Variants in NLK observed in about 807,000 individuals in gnomAD.
The protein encoded by NLK is serine/threonine-protein kinase NLK.
NLK carries 11 observed loss-of-function variants against 59.0 expected under a neutral mutation model. That is an observed-to-expected ratio of 0.19 (90% CI 0.12 to 0.31). NLK has a LOEUF of 0.31. NLK is among the 10% of genes least tolerant of loss of function. NLK has a pLI of 1.00. For missense variants in NLK, 410 were observed against 661.1 expected (o/e 0.62, Z 4.16); for synonymous variants, 235 against 235.9 (o/e 1.00, Z 0.03).
chr17:28,054,365 C>A (rs994328377), intron 1 of NLK, among the ~76,000 whole-genome samples: 2 of 152,220 alleles, frequency 1.3e-5, no homozygotes, highest in Non-Finnish European at 2.9e-5. Flanking sequence ...CTTTTAAAAA[C>A]ACAAGCTAAT....
chr17:28,043,143 A>G lies in NLK; in HGVS notation c.270A>G (p.Gln90=), dbSNP rs753051288. The G allele has an allele frequency of 1.2e-6, 2 of 1,612,444 alleles. No individual in the cohort carries two copies. Among genetic ancestry groups the G allele is most frequent in the South Asian group, 1.1e-5 (1 of 90,998 alleles). Residue 90 remains glutamine, a synonymous_variant, in exon 1 of 11, where the codon CAA becomes CAG. Transcript: ENST00000407008. Reference sequence around the variant, plus strand: ...CAGCCATGTTAAACCCTGGGCAACAACAGCCATATTTCCCATCACCGGCAC... The same window carrying G: ...CAGCCATGTTAAACCCTGGGCAACAGCAGCCATATTTCCCATCACCGGCAC... ...AAAAMLNPGQ[Q]QPYFPSPAPG...
chr17:28,185,688 A>G (rs1364985170), intron 8 of NLK, among the ~76,000 whole-genome samples: 1 of 152,124 alleles, frequency 6.6e-6, no homozygotes, highest in Non-Finnish European at 1.5e-5. Context: ...ATCTGGGACT[A>G]CAAGCATGCT....
At chr17:28,048,083 A>G (rs914903578) in intron 1 of NLK, 10 of 396,866 alleles carry the variant, frequency 2.5e-5, no homozygotes, top group African/African-American at 8.2e-5. Context: ...CATCCGTATG[A>G]AACTAGAAAT....
rs113409955 is a variant in NLK at position 28,114,475 on chromosome 17, A to G, written c.459-8128A>G. On this transcript the variant is annotated intron_variant, in intron 1 of 10. Coordinates refer to ENST00000407008, the MANE Select transcript of NLK (RefSeq NM_016231.5). ...TCTGGATAAGAGCCCTTTGTTCCTT[A>G]TAAGTGTTGCAAGCATCTTCTCCTA... Among the ~76,000 whole-genome samples, 996 of 152,266 alleles carry G rather than the reference A, an allele frequency of 6.5e-3. 16 individuals are homozygous for G. Among genetic ancestry groups the G allele is most frequent in the African/African-American group, 0.022 (930 of 41,534 alleles).
chr17:28,071,734 G>A (rs187613607), intron 1 of NLK, among the ~76,000 whole-genome samples: 7 of 152,148 alleles, frequency 4.6e-5, no homozygotes, highest in Non-Finnish European at 7.3e-5. Context: ...TGTATCCTAC[G>A]TGAAGGCTTC....
At chr17:28,151,060 A>C (rs1907460687) in intron 3 of NLK, among the ~76,000 whole-genome samples, 1 of 152,184 alleles carries the variant, frequency 6.6e-6, no homozygotes, top group Admixed American at 6.5e-5. Context: ...CCCTCATTAA[A>C]TTTCTCAGAA....
chr17:28,158,050 A>T (rs1171642998), intron 3 of NLK, among the ~76,000 whole-genome samples: 1 of 152,198 alleles, frequency 6.6e-6, no homozygotes, highest in Non-Finnish European at 1.5e-5. Flanking sequence ...TTACAGGATA[A>T]TAACTACTAA....
In NLK at chr17:28,042,691, C is replaced by T. The variant is rs2142725267; in HGVS notation, c.-183C>T. The T allele has an allele frequency of 2.1e-6, 1 of 474,246 alleles. No individual in the cohort carries two copies. Among genetic ancestry groups the T allele is most frequent in the Non-Finnish European group, 3.6e-6 (1 of 278,070 alleles). 29.4% of individuals were successfully genotyped at this position (474,246 alleles called of 1,614,324 possible). A position where few individuals can be genotyped will look rare whatever the true frequency, so the allele number is the denominator to read the frequency against. Reference sequence around the variant, plus strand: ...CCTTTTTTTTCCTTTTGGCAACCCACACCCTTCCACACACGCTCACCCCAA... The same window carrying T: ...CCTTTTTTTTCCTTTTGGCAACCCATACCCTTCCACACACGCTCACCCCAA... On this transcript the variant is annotated 5_prime_UTR_variant, in exon 1 of 11. Coordinates refer to ENST00000407008, the MANE Select transcript of NLK (RefSeq NM_016231.5).
chr17:28,061,406 G>A (rs1043484369), intron 1 of NLK, among the ~76,000 whole-genome samples: 3 of 152,268 alleles, frequency 2.0e-5, no homozygotes. Context: ...AGTAGCACCA[G>A]CTAATTTGTG....
intron 9 of NLK, among the ~76,000 whole-genome samples, chr17:28,191,533 A>G (rs1909307677): frequency 6.6e-6 from 1 of 152,248 alleles, no homozygotes; most frequent in South Asian, 2.1e-4. Context: ...TATATAACAT[A>G]CAAAGTTCCA....
intron 5 of NLK, among the ~76,000 whole-genome samples, chr17:28,164,020 A>T (rs983371341): frequency 6.6e-6 from 1 of 152,200 alleles, no homozygotes; most frequent in Admixed American, 6.5e-5. Context: ...CACAGCTAAC[A>T]TATCTATATG....
At chr17:28,125,768 C>T (rs529377053) in intron 2 of NLK, among the ~76,000 whole-genome samples, 26 of 152,180 alleles carry the variant, frequency 1.7e-4, no homozygotes, top group Admixed American at 1.5e-3. Flanking sequence ...GTAAGGAGTG[C>T]GGTGCTAGGT....
At chr17:28,089,069 A>G (rs1251392501) in intron 1 of NLK, among the ~76,000 whole-genome samples, 3 of 152,198 alleles carry the variant, frequency 2.0e-5, no homozygotes, top group Non-Finnish European at 4.4e-5. Flanking sequence ...CAGCACCAAC[A>G]ATATGATTAA....
intron 7 of NLK, among the ~76,000 whole-genome samples, chr17:28,184,856 A>G (rs957555869): frequency 3.9e-5 from 6 of 152,222 alleles, no homozygotes; most frequent in African/African-American, 1.4e-4. Flanking sequence ...ATGACCACAG[A>G]AGAATCACTT....
intron 1 of NLK, among the ~76,000 whole-genome samples, chr17:28,120,268 G>GTGTGTGTGTA (rs1442406475): frequency 2.9e-4 from 42 of 146,956 alleles, no homozygotes; most frequent in Non-Finnish European, 5.8e-4. Context: ...GTGTGTGTGT[G>GTGTGTGTGTA]TGTGTATGTG....
chr17:28,049,990 A>G (rs192034850), intron 1 of NLK, among the ~76,000 whole-genome samples: 8 of 152,288 alleles, frequency 5.3e-5, no homozygotes, highest in Admixed American at 4.6e-4. Context: ...CAAAAAATAT[A>G]TATATTATTT....
chr17:28,162,480 T>C (rs1296642606), intron 4 of NLK, among the ~76,000 whole-genome samples: 1 of 151,892 alleles, frequency 6.6e-6, no homozygotes, highest in African/African-American at 2.4e-5. Flanking sequence ...TTTAAAAAAA[T>C]ACAAAACTTA....
chr17:28,097,947 G>A (rs1458328174), intron 1 of NLK, among the ~76,000 whole-genome samples: 1 of 152,072 alleles, frequency 6.6e-6, no homozygotes, highest in South Asian at 2.1e-4. Flanking sequence ...TGTTTACAGG[G>A]TAACCTAGTT....
intron 1 of NLK, among the ~76,000 whole-genome samples, chr17:28,111,885 T>TGTGTGTGTGTG (rs1215107595): frequency 7.9e-6 from 1 of 127,270 alleles, no homozygotes; most frequent in Non-Finnish European, 1.6e-5. Context: ...TGTGTGTGTG[T>TGTGTGTGTGTG]GTGTGTGTGT....
Sources: gnomAD v4.1 joint callset for allele counts (sites outside exome capture counted in the v4.1 genomes callset) on GRCh38, gnomAD v4.1.1 for gene constraint, MANE v1.5 for transcripts, NCBI Gene and HGNC (gene_info 2026-07-23, HGNC 2026-07-21) for gene names.